Variants in PDLIM5 observed in about 807,000 individuals in gnomAD.
The protein encoded by PDLIM5 is PDZ and LIM domain 5.
PDLIM5 carries 34 observed loss-of-function variants against 64.2 expected under a neutral mutation model. That is an observed-to-expected ratio of 0.53 (90% CI 0.40 to 0.71). The LOEUF is 0.71. PDLIM5 is among the 30% of genes least tolerant of loss of function. The pLI, the probability that PDLIM5 is intolerant of heterozygous loss-of-function variation, is 0.00. For synonymous variants in PDLIM5, 253 were observed against 269.1 expected (o/e 0.94, Z 0.59); for missense variants, 683 against 733.6 (o/e 0.93, Z 0.80).
chr4:94,567,529 A>G (rs1734446115), intron 3 of PDLIM5, among the ~76,000 whole-genome samples: 1 of 151,678 alleles, frequency 6.6e-6, no homozygotes, highest in African/African-American at 2.4e-5. Context: ...TTTCATTCCT[A>G]AAGATAGTAT....
chr4:94,619,201 T>G (rs1031547795), intron 8 of PDLIM5, among the ~76,000 whole-genome samples: 2 of 152,180 alleles, frequency 1.3e-5, no homozygotes, highest in Admixed American at 6.5e-5. Flanking sequence ...CTTTTTATTA[T>G]TTCTCAAATT....
At chr4:94,642,665 A>G (rs1741088790) in intron 9 of PDLIM5, among the ~76,000 whole-genome samples, 2 of 152,206 alleles carry the variant, frequency 1.3e-5, no homozygotes, top group Non-Finnish European at 2.9e-5. Context: ...TTAACATAGC[A>G]CATTTGCCTG....
At chr4:94,657,071 G>A (rs1742268351) in intron 10 of PDLIM5, among the ~76,000 whole-genome samples, 1 of 152,152 alleles carries the variant, frequency 6.6e-6, no homozygotes, top group Admixed American at 6.5e-5. Flanking sequence ...ACCTTGGTAA[G>A]TTAATGTTTC....
intron 2 of PDLIM5, among the ~76,000 whole-genome samples, chr4:94,502,767 C>T (rs571232686): frequency 1.3e-5 from 2 of 152,102 alleles, no homozygotes; most frequent in East Asian, 1.9e-4. Context: ...ATCCCAGCTA[C>T]TCGGGAGGCT....
chr4:94,665,850 G>A lies in PDLIM5; in HGVS notation c.*1783G>A, dbSNP rs975170585. The A allele has an allele frequency of 7.2e-7, 1 of 1,380,394 alleles. No individual in the cohort carries two copies. Among genetic ancestry groups the A allele is most frequent in the African/African-American group, 1.5e-5 (1 of 67,856 alleles). 85.5% of individuals were successfully genotyped at this position (1,380,394 alleles called of 1,614,324 possible). A position where few individuals can be genotyped will look rare whatever the true frequency, so the allele number is the denominator to read the frequency against. ...ACAGAGGTTGGGTAGTGTTGGGAGGGGAGTTTAATTACTCAGATTGGCCTG... is the reference window on the plus strand; with the variant it reads ...ACAGAGGTTGGGTAGTGTTGGGAGGAGAGTTTAATTACTCAGATTGGCCTG... On this transcript the variant is annotated 3_prime_UTR_variant, in exon 13 of 13. Coordinates refer to ENST00000317968, the MANE Select transcript of PDLIM5 (RefSeq NM_006457.5).
At chr4:94,655,067 C>T (rs1193917134) in intron 10 of PDLIM5, among the ~76,000 whole-genome samples, 1 of 152,082 alleles carries the variant, frequency 6.6e-6, no homozygotes, top group African/African-American at 2.4e-5. Context: ...AGAGTTCAAG[C>T]ACAGGACACT....
intron 3 of PDLIM5, among the ~76,000 whole-genome samples, chr4:94,560,493 AG>A (rs947641490): frequency 9.7e-4 from 148 of 152,284 alleles, no homozygotes; most frequent in Middle Eastern, 3.4e-3. Context: ...AAACAATATT[AG>A]GTTTAGTGTC....
chr4:94,636,517 A>G (rs1298347483), intron 8 of PDLIM5, among the ~76,000 whole-genome samples: 2 of 151,158 alleles, frequency 1.3e-5, no homozygotes, highest in African/African-American at 2.4e-5. Context: ...CTGTGGATAG[A>G]AAGAAGTATA....
intron 5 of PDLIM5, among the ~76,000 whole-genome samples, chr4:94,582,235 ATTCTC>A (rs1183115382): frequency 6.6e-6 from 1 of 152,136 alleles, no homozygotes; most frequent in African/African-American, 2.4e-5. Flanking sequence ...TTTTTCTCTT[ATTCTC>A]TTCTGATTTT....
intron 5 of PDLIM5, chr4:94,585,085 G>T: frequency 1.3e-6 from 1 of 768,164 alleles, no homozygotes; most frequent in Non-Finnish European, 2.1e-6. Flanking sequence ...TAATTTAAAA[G>T]GTTTTTTTGT....
intron 7 of PDLIM5, among the ~76,000 whole-genome samples, chr4:94,615,730 G>A (rs1738732901): frequency 6.6e-6 from 1 of 152,182 alleles, no homozygotes; most frequent in South Asian, 2.1e-4. Context: ...TCTGGTGACA[G>A]GGCTCTCACA....
chr4:94,476,383 A>G (rs1725324846), intron 2 of PDLIM5, among the ~76,000 whole-genome samples: 1 of 152,142 alleles, frequency 6.6e-6, no homozygotes, highest in Admixed American at 6.5e-5. Context: ...GTAATTTATA[A>G]CTAGAGGAAG....
chr4:94,467,848 A>G (rs1368910807), intron 2 of PDLIM5, among the ~76,000 whole-genome samples: 1 of 152,174 alleles, frequency 6.6e-6, no homozygotes, highest in Non-Finnish European at 1.5e-5. Context: ...AGCCTTTCAA[A>G]CAGGGGAATG....
chr4:94,617,958 A>G (rs777206168), intron 7 of PDLIM5, 46 bp from the exon 8 acceptor site: 1 of 1,009,210 alleles, frequency 9.9e-7, no homozygotes. Context: ...TTGCTGAGTT[A>G]CGTTGCTACC....
At chr4:94,592,533 C>G (rs1241856578) in intron 7 of PDLIM5, among the ~76,000 whole-genome samples, 1 of 152,188 alleles carries the variant, frequency 6.6e-6, no homozygotes, top group Non-Finnish European at 1.5e-5. Context: ...TGAAGAATCC[C>G]ACAGACTGAA....
chr4:94,455,639 G>C, intron 2 of PDLIM5: 1 of 708,108 alleles, frequency 1.4e-6, no homozygotes, highest in Middle Eastern at 3.9e-4. Flanking sequence ...ACTAGGAACA[G>C]ACTGTACATT....
At chr4:94,479,826 G>T (rs1038336138) in intron 2 of PDLIM5, among the ~76,000 whole-genome samples, 1 of 151,928 alleles carries the variant, frequency 6.6e-6, no homozygotes, top group Non-Finnish European at 1.5e-5. Flanking sequence ...GTTTGTCTTT[G>T]CTTCGATCCT....
intron 2 of PDLIM5, among the ~76,000 whole-genome samples, chr4:94,475,586 T>C (rs985236466): frequency 2.0e-5 from 3 of 152,056 alleles, no homozygotes. Context: ...GTAGGAAAAA[T>C]GTAGAATGGT....
intron 3 of PDLIM5, among the ~76,000 whole-genome samples, chr4:94,538,485 G>A (rs751463617): frequency 2.7e-4 from 41 of 152,168 alleles, no homozygotes; most frequent in Non-Finnish European, 5.1e-4. Context: ...TGTGGTGGAG[G>A]AGGGAAGGAA....
Sources: gnomAD v4.1 joint callset for allele counts (sites outside exome capture counted in the v4.1 genomes callset) on GRCh38, gnomAD v4.1.1 for gene constraint, MANE v1.5 for transcripts, NCBI Gene and HGNC (gene_info 2026-07-23, HGNC 2026-07-21) for gene names.